VAMP4: variants seen among roughly 807,000 people sequenced by gnomAD.
VAMP4 encodes vesicle-associated membrane protein 4.
A neutral mutation model predicts 23.5 loss-of-function variants in VAMP4; 19 were observed. The observed-to-expected ratio is 0.81, with a 90% CI of 0.56 to 1.19. VAMP4 has a LOEUF of 1.19. VAMP4 is among the 50% of genes most tolerant of loss of function. VAMP4 has a pLI of 0.00. For synonymous variants in VAMP4, 31 were observed against 51.0 expected, an observed-to-expected ratio of 0.61 and a Z score of 1.67; for missense variants, 145 against 168.6, an observed-to-expected ratio of 0.86 and a Z score of 0.78.
rs1168948647 is a variant in VAMP4 at position 171,700,522 on chromosome 1, C to T, written c.*3984G>A. 6.6e-6 allele frequency: 1 copy of T among 152,146 alleles called. No homozygotes were observed. The highest frequency in any genetic ancestry group is 2.4e-5 in the African/African-American group (1 of 41,422). 9.4% of individuals were successfully genotyped at this position (152,146 alleles called of 1,614,324 possible). A position where few individuals can be genotyped will look rare whatever the true frequency, so the allele number is the denominator to read the frequency against. ...CTTTGTGGCTTTAAAATATTGGATA[C>T]TTTGATTTTAAGACTACTTTAAATG... On this transcript the variant is annotated 3_prime_UTR_variant, in exon 8 of 8. Coordinates refer to ENST00000236192, the MANE Select transcript of VAMP4 (RefSeq NM_003762.5).
At chr1:171,737,232 A>T (rs1320556750) in intron 2 of VAMP4, among the ~76,000 whole-genome samples, 1 of 152,186 alleles carries the variant, frequency 6.6e-6, no homozygotes, top group Non-Finnish European at 1.5e-5. Flanking sequence ...AGCACATAGG[A>T]GGTGGTCAAT....
At chr1:171,729,017 G>C (rs1019043400) in intron 2 of VAMP4, among the ~76,000 whole-genome samples, 6 of 152,152 alleles carry the variant, frequency 3.9e-5, no homozygotes, top group Non-Finnish European at 8.8e-5. Context: ...CTTAAAAATG[G>C]GCATGTTCTA....
At chr1:171,737,479 T>C (rs1302627091) in intron 2 of VAMP4, among the ~76,000 whole-genome samples, 1 of 152,248 alleles carries the variant, frequency 6.6e-6, no homozygotes, top group East Asian at 1.9e-4. Context: ...TGAAGCATTA[T>C]ATAAAAGATA....
intron 2 of VAMP4, among the ~76,000 whole-genome samples, chr1:171,731,011 T>C (rs1261695399): frequency 1.3e-5 from 2 of 150,464 alleles, no homozygotes; most frequent in African/African-American, 4.9e-5. Context: ...GAGACCATCC[T>C]GGCTAACATG....
intron 4 of VAMP4, among the ~76,000 whole-genome samples, chr1:171,717,580 G>C (rs1655060603): frequency 1.3e-5 from 2 of 151,922 alleles, no homozygotes; most frequent in Non-Finnish European, 2.9e-5. Flanking sequence ...CTTTGCAATA[G>C]AGTATCCCAC....
chr1:171,712,835 T>C (rs533273771), intron 4 of VAMP4, among the ~76,000 whole-genome samples: 3 of 152,312 alleles, frequency 2.0e-5, no homozygotes, highest in South Asian at 2.1e-4. Flanking sequence ...GGAAATAACA[T>C]TGAACAAAAC....
intron 1 of VAMP4, among the ~76,000 whole-genome samples, chr1:171,739,832 A>G (rs1655871830): frequency 6.6e-6 from 1 of 152,228 alleles, no homozygotes; most frequent in African/African-American, 2.4e-5. Flanking sequence ...TTTGCTACAG[A>G]ATGACTCACA....
chr1:171,740,793 T>C (rs544809364), intron 1 of VAMP4, among the ~76,000 whole-genome samples: 1 of 152,332 alleles, frequency 6.6e-6, no homozygotes, highest in Admixed American at 6.5e-5. Flanking sequence ...AATGCCTTTA[T>C]AAGACATACA....
intron 2 of VAMP4, among the ~76,000 whole-genome samples, chr1:171,732,582 A>G (rs1219230719): frequency 2.0e-5 from 3 of 152,116 alleles, no homozygotes; most frequent in Non-Finnish European, 4.4e-5. Flanking sequence ...ATTAACTTTT[A>G]TGTTAAATGT....
chr1:171,703,437 A>ATATATG lies in VAMP4; in HGVS notation c.*1068_*1069insCATATA, dbSNP rs1654531972. ...TGTGTGTTTGTGTGTATATATATAT[A>ATATATG]TATATATATATATATATATATATAT... is the stretch of plus-strand genomic sequence containing the variant. On this transcript the variant is annotated 3_prime_UTR_variant, in exon 8 of 8. Coordinates refer to ENST00000236192, the MANE Select transcript of VAMP4 (RefSeq NM_003762.5). 4 of 64,938 alleles carry ATATATG rather than the reference A, an allele frequency of 6.2e-5. No individual in the cohort carries two copies. The highest frequency in any genetic ancestry group is 2.6e-4 in the African/African-American group (4 of 15,466). The allele number at this position is 64,938 out of a possible 1,614,324, so 4.0% of individuals were successfully genotyped here.
At chr1:171,706,219 A>T (rs1654645497) in intron 7 of VAMP4, 148 bp downstream of exon 7, 1 of 591,020 alleles carries the variant, frequency 1.7e-6, no homozygotes, top group African/African-American at 1.9e-5. Context: ...TTCAGAGATC[A>T]ATAGATTCTA....
Position 171,702,622 on chromosome 1 carries a change from C to T in VAMP4, c.*1884G>A, listed in dbSNP as rs1300693971. ...AGTTCCAATTCAAATAAAGGACATA[C>T]ATACAAATGTTAGGACTGATTCTGT... is the stretch of plus-strand genomic sequence containing the variant. On this transcript the variant is annotated 3_prime_UTR_variant, in exon 8 of 8. Coordinates refer to ENST00000236192, the MANE Select transcript of VAMP4 (RefSeq NM_003762.5). 6.6e-6 allele frequency: 1 copy of T among 151,888 alleles called. No homozygotes were observed. The highest frequency in any genetic ancestry group is 1.5e-5 in the Non-Finnish European group (1 of 67,834). 9.4% of individuals were successfully genotyped at this position (151,888 alleles called of 1,614,324 possible).
intron 1 of VAMP4, among the ~76,000 whole-genome samples, chr1:171,739,026 T>A (rs1572258594): frequency 6.6e-6 from 1 of 152,366 alleles, no homozygotes; most frequent in East Asian, 1.9e-4. Context: ...TTACAAAATA[T>A]ACTCATTTGG....
rs531145298 is a variant in VAMP4 at position 171,738,260 on chromosome 1, G to A, written c.66+89C>T. 1.8e-5 allele frequency: 26 copies of A among 1,476,448 alleles called. No individual in the cohort carries two copies. In the East Asian group the frequency reaches 2.5e-4, roughly 14 times the overall value. 91.5% of individuals were successfully genotyped at this position (1,476,448 alleles called of 1,614,324 possible). ...GGCGATTGCAGGCATGAGCAACCAC[G>A]CCCGGATGGTTTTTCTTCTATTATT... On this transcript the variant is annotated intron_variant, in intron 2 of 7. Coordinates refer to ENST00000236192, the MANE Select transcript of VAMP4 (RefSeq NM_003762.5).
At chr1:171,723,645 A>G (rs1292945936) in intron 3 of VAMP4, among the ~76,000 whole-genome samples, 2 of 152,210 alleles carry the variant, frequency 1.3e-5, no homozygotes, top group Non-Finnish European at 2.9e-5. Context: ...ACCAGATTTC[A>G]TATTGTTTAA....
rs1572234410 is a variant in VAMP4, at chr1:171,701,966, G to A, written c.*2540C>T. ...ATCAAAATAGTGACGTGATTTCACT[G>A]AGTATCAACTAGTATTTGCAAAGCT... On this transcript the variant is annotated 3_prime_UTR_variant, in exon 8 of 8. Transcript: ENST00000236192. 1 of 152,062 alleles carries A rather than the reference G, an allele frequency of 6.6e-6. No homozygotes were observed. Among genetic ancestry groups the A allele is most frequent in the Admixed American group, 6.6e-5 (1 of 15,262 alleles). The allele number at this position is 152,062 out of a possible 1,614,324, so 9.4% of individuals were successfully genotyped here.
chr1:171,717,915 A>G (rs1655070397), intron 4 of VAMP4, among the ~76,000 whole-genome samples: 2 of 152,166 alleles, frequency 1.3e-5, no homozygotes, highest in Admixed American at 1.3e-4. Flanking sequence ...TACTGGCCTC[A>G]AAGAAGCACC....
At chr1:171,735,306 A>C (rs1204735719) in intron 2 of VAMP4, among the ~76,000 whole-genome samples, 1 of 152,254 alleles carries the variant, frequency 6.6e-6, no homozygotes, top group Non-Finnish European at 1.5e-5. Context: ...GATTTGCATC[A>C]ATTAAAAATT....
chr1:171,729,037 T>A (rs1655475219), intron 2 of VAMP4, among the ~76,000 whole-genome samples: 1 of 152,188 alleles, frequency 6.6e-6, no homozygotes, highest in African/African-American at 2.4e-5. Context: ...ACTTTTTAGC[T>A]ACTCTACCCA....
Sources: gnomAD v4.1 joint callset for allele counts (sites outside exome capture counted in the v4.1 genomes callset) on GRCh38, gnomAD v4.1.1 for gene constraint, MANE v1.5 for transcripts, NCBI Gene and HGNC (gene_info 2026-07-23, HGNC 2026-07-21) for gene names.